The following PTPRT variants were observed in gnomAD, a reference collection of about 807,000 sequenced individuals.
The protein encoded by PTPRT is receptor-type tyrosine-protein phosphatase T.
Under a neutral mutation model 176.8 loss-of-function variants are expected in PTPRT, and 56 were observed. The ratio of observed to expected loss-of-function variants is 0.32; its 90% CI spans 0.26 to 0.40. PTPRT has a LOEUF of 0.40. Among genes scored for constraint, PTPRT ranks in the 10% least tolerant of loss-of-function variants. The pLI, the probability that PTPRT is intolerant of heterozygous loss-of-function variation, is 1.00. For synonymous variants in PTPRT, 783 were observed against 739.0 expected (o/e 1.06, Z -0.96); for missense variants, 1,540 against 1,908.2 (o/e 0.81, Z 3.60).
intron 1 of PTPRT, among the ~76,000 whole-genome samples, chr20:43,020,244 T>C (rs1258371068): frequency 6.8e-6 from 1 of 148,102 alleles, no homozygotes; most frequent in Non-Finnish European, 1.5e-5. Flanking sequence ...TATATATTTA[T>C]GTTATATATA....
rs2070744547 is a variant in PTPRT, at chr20:42,446,944, C to T, written c.1560+1276G>A. On this transcript the variant is annotated intron_variant, in intron 9 of 30. Coordinates refer to ENST00000373187, the MANE Select transcript of PTPRT (RefSeq NM_007050.6). ...GAGATGTTAGCTCTCCTGAGGAATG[C>T]TAGTTTTAGTGAGATAAGGTGTTTT... 2.6e-5 allele frequency among the ~76,000 whole-genome samples: 4 copies of T among 152,074 alleles called. 1 individual carries two copies. The highest frequency in any genetic ancestry group is 2.6e-4 in the Admixed American group (4 of 15,266).
At chr20:42,061,910 C>G in the PTPRT span, among the ~76,000 whole-genome samples, 69 of 152,178 alleles carry the variant, frequency 4.5e-4, no homozygotes, top group Non-Finnish European at 9.4e-4. Flanking sequence ...TTAAAAAATC[C>G]TGAGAGTGAC....
intron 9 of PTPRT, among the ~76,000 whole-genome samples, chr20:42,376,702 C>T (rs2145617676): frequency 6.6e-6 from 1 of 152,190 alleles, no homozygotes; most frequent in Admixed American, 6.5e-5. Flanking sequence ...TAAGAAGCTC[C>T]TAAGCAGATT....
chr20:42,552,478 AG>A (rs1187386207), intron 7 of PTPRT, among the ~76,000 whole-genome samples: 3 of 152,208 alleles, frequency 2.0e-5, no homozygotes, highest in Non-Finnish European at 4.4e-5. Context: ...GATGAAATAA[AG>A]CTCTCAGTGT....
At chr20:42,546,603 T>C (rs2072678977) in intron 7 of PTPRT, among the ~76,000 whole-genome samples, 1 of 152,214 alleles carries the variant, frequency 6.6e-6, no homozygotes, top group Non-Finnish European at 1.5e-5. Flanking sequence ...TTGGTGCCTG[T>C]CTGTCTTGGC....
chr20:42,044,461 T>C, the PTPRT span, among the ~76,000 whole-genome samples: 1 of 152,196 alleles, frequency 6.6e-6, no homozygotes, highest in Non-Finnish European at 1.5e-5. Context: ...GCATTGGGCA[T>C]AGAGCCTGGC....
At chr20:43,102,096 G>T (rs775270947) in intron 1 of PTPRT, among the ~76,000 whole-genome samples, 1 of 152,138 alleles carries the variant, frequency 6.6e-6, no homozygotes, top group African/African-American at 2.4e-5. Context: ...TTTTAGAAGG[G>T]CACTAATCCA....
chr20:42,117,573 G>A (rs1263345421), intron 21 of PTPRT, among the ~76,000 whole-genome samples: 3 of 152,176 alleles, frequency 2.0e-5, no homozygotes, highest in Non-Finnish European at 4.4e-5. Context: ...GGGAAGAAGA[G>A]CGGGTAGCAA....
intron 6 of PTPRT, among the ~76,000 whole-genome samples, chr20:42,682,711 G>C (rs1455413741): frequency 6.6e-6 from 1 of 152,182 alleles, no homozygotes; most frequent in Non-Finnish European, 1.5e-5. Context: ...AAGGATGCCA[G>C]GAGCCATCCA....
chr20:42,773,032 C>T (rs2077085742), intron 4 of PTPRT, among the ~76,000 whole-genome samples: 1 of 152,182 alleles, frequency 6.6e-6, no homozygotes. Context: ...CAGCATGTAA[C>T]AAGCAGCTAT....
At chr20:42,943,030 T>G (rs1980664996) in intron 1 of PTPRT, among the ~76,000 whole-genome samples, 1 of 152,244 alleles carries the variant, frequency 6.6e-6, no homozygotes, top group African/African-American at 2.4e-5. Context: ...GCCAATCGTT[T>G]GTTGTCATTT....
intron 1 of PTPRT, among the ~76,000 whole-genome samples, chr20:43,054,082 C>G (rs923243148): frequency 1.2e-4 from 19 of 152,154 alleles, no homozygotes; most frequent in Non-Finnish European, 1.5e-5. Context: ...CCACAAGAAG[C>G]CTCAGCTCAA....
At chr20:42,360,832 G>A (rs968416748) in intron 9 of PTPRT, among the ~76,000 whole-genome samples, 5 of 152,102 alleles carry the variant, frequency 3.3e-5, no homozygotes, top group African/African-American at 9.7e-5. Flanking sequence ...GGCAGACACC[G>A]CCTGGAACAA....
intron 7 of PTPRT, among the ~76,000 whole-genome samples, chr20:42,482,023 A>C (rs540772313): frequency 6.6e-6 from 1 of 152,206 alleles, no homozygotes; most frequent in African/African-American, 2.4e-5. Flanking sequence ...AAGCTTAAAT[A>C]TTTGAGATAA....
intron 7 of PTPRT, among the ~76,000 whole-genome samples, chr20:42,634,075 A>AAT (rs1178191826): frequency 2.1e-4 from 9 of 43,196 alleles, no homozygotes; most frequent in South Asian, 6.3e-4. Context: ...ATATATATAT[A>AAT]ATATATATAT....
At chr20:42,848,251 GT>G (rs1340345969) in intron 2 of PTPRT, among the ~76,000 whole-genome samples, 1 of 152,130 alleles carries the variant, frequency 6.6e-6, no homozygotes. Context: ...TTTAGGGCTG[GT>G]TTCCTATTTT....
At chr20:42,102,042 C>T in intron 26 of PTPRT, 82 bp downstream of exon 26, 1 of 1,521,422 alleles carries the variant, frequency 6.6e-7, no homozygotes, top group South Asian at 1.2e-5. Flanking sequence ...GGTCAGGGCC[C>T]TGAGGTCCAG....
intron 1 of PTPRT, among the ~76,000 whole-genome samples, chr20:42,927,435 GC>G (rs1303853845): frequency 6.6e-6 from 1 of 152,184 alleles, no homozygotes; most frequent in Non-Finnish European, 1.5e-5. Flanking sequence ...AGTGGCGCAT[GC>G]CCGTAATCCA....
intron 15 of PTPRT, among the ~76,000 whole-genome samples, chr20:42,225,137 G>A (rs1471161723): frequency 6.6e-6 from 1 of 152,096 alleles, no homozygotes; most frequent in Non-Finnish European, 1.5e-5. Flanking sequence ...TTGCTTGGAG[G>A]GGAAAAATCT....
Sources: allele counts gnomAD v4.1 joint callset (sites outside exome capture counted in the v4.1 genomes callset), GRCh38; gene constraint gnomAD v4.1.1; transcripts MANE v1.5; gene names NCBI Gene and HGNC (gene_info 2026-07-23, HGNC 2026-07-21).